Variants in ZNF652 observed in about 807,000 individuals in gnomAD.
ZNF652 encodes zinc finger protein 652.
Under a neutral mutation model 45.2 loss-of-function variants are expected in ZNF652, and 16 were observed. The observed-to-expected ratio is 0.35, with a 90% CI of 0.24 to 0.54. The LOEUF (loss-of-function observed/expected upper bound fraction) is 0.54, where lower values mean the gene tolerates loss of function less well. Ranked by LOEUF, ZNF652 falls within the 20% of genes least tolerant of loss-of-function variation. The probability of loss-of-function intolerance (pLI) is 0.91; values close to 1 mark genes in which losing one functional copy is unlikely to be tolerated. For missense variants in ZNF652, 614 were observed against 765.6 expected (o/e 0.80, Z 2.34); for synonymous variants, 250 against 260.6 (o/e 0.96, Z 0.39).
chr17:49,339,401 A>G (rs1169183171), intron 1 of ZNF652, among the ~76,000 whole-genome samples: 1 of 151,390 alleles, frequency 6.6e-6, no homozygotes, highest in African/African-American at 2.4e-5. Flanking sequence ...ACAAAAAGCA[A>G]CATAATCCAA....
intron 1 of ZNF652, among the ~76,000 whole-genome samples, chr17:49,351,079 A>G (rs1441986379): frequency 6.7e-6 from 1 of 148,680 alleles, no homozygotes; most frequent in Non-Finnish European, 1.5e-5. Flanking sequence ...ATATTTATAT[A>G]TATTTTAAAC....
intron 5 of ZNF652, among the ~76,000 whole-genome samples, chr17:49,300,444 A>T (rs1168634791): frequency 3.9e-5 from 6 of 152,144 alleles, no homozygotes. Context: ...CTGAGGGCTT[A>T]ATTTTTAAGC....
chr17:49,341,828 T>A (rs1266021668), intron 1 of ZNF652, among the ~76,000 whole-genome samples: 1 of 151,844 alleles, frequency 6.6e-6, no homozygotes, highest in Non-Finnish European at 1.5e-5. Flanking sequence ...ACTAAGAAAA[T>A]CTACAATACA....
At chr17:49,350,990 TATATATATATATATATATATATATACAC>T (rs1231824346) in intron 1 of ZNF652, among the ~76,000 whole-genome samples, 56 of 19,488 alleles carry the variant, frequency 2.9e-3, no homozygotes, top group Non-Finnish European at 3.7e-3. Flanking sequence ...TATATATATA[TATATATATATATATATATATATATACAC>T]ACACACACAC....
rs2069510953 is a variant in ZNF652, at chr17:49,298,744, G to A, written c.1490C>T (p.Pro497Leu). The part of the protein sequence containing the change: ...HKEKCFRVTS[P>L]VNVPPAVQIP... ...CTGGACAGCAGGTGGCACATTCACG[G>A]GGCTGGTCACCCGAAAGCACTTCTC... The change falls in exon 6 of 6, where the codon CCC becomes CTC. Residue 497 changes from proline to leucine, a missense_variant. By Grantham distance (98) the Pro-to-Leu change is moderately conservative. Around this residue, in one of 5 missense-constraint regions of ZNF652, gnomAD observed 81 missense variants for 167.0 expected, o/e 0.48. Transcript: ENST00000430262. 1 of 1,613,962 alleles carries A rather than the reference G, an allele frequency of 6.2e-7. No homozygotes were observed. The highest frequency in any genetic ancestry group is 8.5e-7 in the Non-Finnish European group (1 of 1,180,026).
chr17:49,302,046 G>C (rs1271697495), intron 5 of ZNF652, among the ~76,000 whole-genome samples: 1 of 152,028 alleles, frequency 6.6e-6, no homozygotes, highest in Non-Finnish European at 1.5e-5. Flanking sequence ...AAACCTAGGA[G>C]TTTGAGACCA....
At chr17:49,355,626 G>A (rs907071291) in intron 1 of ZNF652, among the ~76,000 whole-genome samples, 7 of 150,248 alleles carry the variant, frequency 4.7e-5, no homozygotes, top group Admixed American at 6.6e-5. Flanking sequence ...GTGACCGGGC[G>A]CGGTGGCTCA....
At chr17:49,357,662 A>G (rs2070351820) in intron 1 of ZNF652, among the ~76,000 whole-genome samples, 1 of 152,268 alleles carries the variant, frequency 6.6e-6, no homozygotes, top group South Asian at 2.1e-4. Flanking sequence ...TGCATTAACC[A>G]TGAAAATTTA....
At chr17:49,329,948 G>T (rs1196132006) in intron 1 of ZNF652, among the ~76,000 whole-genome samples, 1 of 152,144 alleles carries the variant, frequency 6.6e-6, no homozygotes, top group Non-Finnish European at 1.5e-5. Context: ...ACCACGCCCA[G>T]GGCCAAAGAA....
At chr17:49,328,602 C>A (rs1183790045) in intron 1 of ZNF652, among the ~76,000 whole-genome samples, 1 of 152,072 alleles carries the variant, frequency 6.6e-6, no homozygotes, top group Non-Finnish European at 1.5e-5. Flanking sequence ...TGTGGCACTT[C>A]CCCAATCTCT....
chr17:49,336,719 C>G (rs2070086493), intron 1 of ZNF652, among the ~76,000 whole-genome samples: 1 of 151,568 alleles, frequency 6.6e-6, no homozygotes, highest in South Asian at 2.1e-4. Flanking sequence ...CTCCACCTAC[C>G]AAGTTCAAGT....
chr17:49,317,616 T>C lies in ZNF652; in HGVS notation c.110A>G (p.Tyr37Cys), dbSNP rs1260738318. 1 of 1,614,166 alleles carries C rather than the reference T, an allele frequency of 6.2e-7. No individual in the cohort carries two copies. ...GTCAAGTTCTTGGTTGGCACCATGA[T>C]AAAAGGAAGATGGCACTTGACCACG... Reference protein sequence around the residue: ...SRRGQVPSSFYHGANQELDLS... With the variant: ...SRRGQVPSSFCHGANQELDLS... The change falls in exon 2 of 6, where the codon TAT becomes TGT. Residue 37 changes from tyrosine (Y) to cysteine (C), a missense_variant. Around this residue, in one of 5 missense-constraint regions of ZNF652, gnomAD observed 133 missense variants for 132.2 expected, o/e 1.01. Transcript: ENST00000430262.
At chr17:49,331,022 G>A (rs1383121923) in intron 1 of ZNF652, among the ~76,000 whole-genome samples, 1 of 149,630 alleles carries the variant, frequency 6.7e-6, no homozygotes, top group Admixed American at 6.7e-5. Flanking sequence ...AGGTTGTGGT[G>A]AGCCAAGATT....
Position 49,339,740 on chromosome 17 carries a change from G to C in ZNF652, c.-258-21757C>G, listed in dbSNP as rs139268460. ...TCTGGAATTTTTTTTGTGTATTTTT[G>C]CATCTTCACAGAGCTGCTCCGCTGT... On this transcript the variant is annotated intron_variant, in intron 1 of 5. Transcript: ENST00000430262. Among the ~76,000 whole-genome samples the C allele has an allele frequency of 5.5e-4, 83 of 152,188 alleles. 1 individual carries two copies. Among genetic ancestry groups the C allele is most frequent in the Admixed American group, 2.7e-3 (42 of 15,282 alleles).
chr17:49,343,118 G>A (rs2070167236), intron 1 of ZNF652, among the ~76,000 whole-genome samples: 1 of 152,308 alleles, frequency 6.6e-6, no homozygotes, highest in Non-Finnish European at 1.5e-5. Flanking sequence ...CTGACCTCAA[G>A]AGATCCACCT....
intron 1 of ZNF652, among the ~76,000 whole-genome samples, chr17:49,345,479 G>A (rs1458943163): frequency 1.3e-5 from 2 of 151,068 alleles, no homozygotes; most frequent in East Asian, 3.9e-4. Context: ...TGGGATTACA[G>A]GCGTAAGCCA....
intron 3 of ZNF652, 51 bp downstream of exon 3, chr17:49,312,647 C>T: frequency 6.3e-7 from 1 of 1,585,338 alleles, no homozygotes. Context: ...ATAAAGCACA[C>T]AGAAGAACAA....
chr17:49,299,034 T>G, intron 5 of ZNF652, 110 bp from the exon 6 acceptor site: 1 of 1,213,208 alleles, frequency 8.2e-7, no homozygotes, highest in South Asian at 1.6e-5. Context: ...CAGGCTGGTC[T>G]CGAACTCCTG....
chr17:49,337,337 TAAAAAAA>T (rs71369295), intron 1 of ZNF652, among the ~76,000 whole-genome samples: 8 of 130,530 alleles, frequency 6.1e-5, no homozygotes, highest in Admixed American at 1.6e-4. Flanking sequence ...CCCATTCTCT[TAAAAAAA>T]AAAAAAAAAA....
Sources: allele counts gnomAD v4.1 joint callset (sites outside exome capture counted in the v4.1 genomes callset), GRCh38; gene constraint gnomAD v4.1.1; regional missense constraint gnomAD v4.1.1; transcripts MANE v1.5; gene names NCBI Gene and HGNC (gene_info 2026-07-23, HGNC 2026-07-21).